Variants in BMS1 observed in about 807,000 individuals in gnomAD.
BMS1 encodes ribosome biogenesis protein BMS1 homolog.
A neutral mutation model predicts 138.7 loss-of-function variants in BMS1; 53 were observed. The ratio of observed to expected loss-of-function variants is 0.38; its 90% CI spans 0.31 to 0.48. BMS1 has a LOEUF of 0.48. Ranked by LOEUF, BMS1 falls within the 20% of genes least tolerant of loss-of-function variation. BMS1 has a pLI of 0.97. For missense variants in BMS1, 1,360 were observed against 1,565.5 expected (o/e 0.87, Z 2.22); for synonymous variants, 504 against 539.9 (o/e 0.93, Z 0.92).
intron 2 of BMS1, 120 bp downstream of exon 2, chr10:42,784,690 A>G (rs772618451): frequency 4.9e-5 from 59 of 1,197,656 alleles, no homozygotes; most frequent in Non-Finnish European, 5.9e-5. Flanking sequence ...ATGGAGATTC[A>G]TGGTGTGTGG....
chr10:42,799,157 G>T (rs1841793475), intron 12 of BMS1, among the ~76,000 whole-genome samples: 1 of 152,096 alleles, frequency 6.6e-6, no homozygotes. Flanking sequence ...GCCCAGGCTG[G>T]AGTGTAGTGG....
At chr10:42,813,627 G>A (rs1382480005) in intron 13 of BMS1, among the ~76,000 whole-genome samples, 2 of 152,166 alleles carry the variant, frequency 1.3e-5, no homozygotes, top group South Asian at 4.1e-4. Context: ...ATTGTCTCGT[G>A]TATGTATCCA....
chr10:42,796,413 A>G (rs2078397), intron 9 of BMS1, 61 bp from the exon 10 acceptor site: 130,849 of 1,505,226 alleles, frequency 0.087, 6,271 homozygotes, highest in African/African-American at 0.12. Flanking sequence ...CTATATTGCC[A>G]TTTCTAGATT....
rs149581560 is a variant in BMS1, at chr10:42,806,243, T to C, written c.2329+4025T>C. ...TCCCCCAGTTTCTGTGCAGGATGGT[T>C]CTGGGAGCCAAGCAGGAAACTATCT... On this transcript the variant is annotated intron_variant, in intron 13 of 22. Transcript: ENST00000374518. 5.7e-3 allele frequency among the ~76,000 whole-genome samples: 875 copies of C among 152,292 alleles called. 11 individuals are homozygous for C. The highest frequency in any genetic ancestry group is 0.019 in the African/African-American group (806 of 41,546).
In BMS1 at chr10:42,823,675, T is replaced by G; in HGVS notation, c.3347T>G (p.Leu1116Trp). 6.3e-7 allele frequency: 1 copy of G among 1,596,070 alleles called. No individual in the cohort carries two copies. Among genetic ancestry groups the G allele is most frequent in the Non-Finnish European group, 8.5e-7 (1 of 1,179,598 alleles). ...IPAFYNPVTS[L>W]LKPVGEKDTW... Reference sequence around the variant, plus strand: ...GCGTTCTATAACCCAGTAACATCTTTGTTGAAACCAGTGGGTGAGAAAGAC... The same window carrying G: ...GCGTTCTATAACCCAGTAACATCTTGGTTGAAACCAGTGGGTGAGAAAGAC... The change falls in exon 21 of 23, where the codon TTG becomes TGG. Residue 1116 changes from leucine to tryptophan, a missense_variant. This residue lies in a region of BMS1 where 425 missense variants were observed against 568.3 expected (regional missense o/e 0.75). Coordinates refer to ENST00000374518, the MANE Select transcript of BMS1 (RefSeq NM_014753.4).
intron 11 of BMS1, 101 bp from the exon 12 acceptor site, chr10:42,798,367 G>A (rs1368079340): frequency 6.9e-7 from 1 of 1,439,176 alleles, no homozygotes; most frequent in East Asian, 2.3e-5. Flanking sequence ...GAGTCCCTCA[G>A]TTCCTGAGTT....
chr10:42,823,544 T>C (rs1405005500), intron 20 of BMS1, 65 bp from the exon 21 acceptor site: 5 of 1,414,894 alleles, frequency 3.5e-6, no homozygotes, highest in Non-Finnish European at 4.7e-6. Flanking sequence ...TTATTCTTTG[T>C]TTCTTCGCAA....
intron 15 of BMS1, among the ~76,000 whole-genome samples, chr10:42,817,747 C>CTGAGACATGGTCTCTACTTT (rs1179605446): frequency 3.3e-5 from 5 of 152,202 alleles, no homozygotes; most frequent in African/African-American, 9.7e-5. Context: ...ACAGAAATGA[C>CTGAGACATGGTCTCTACTTT]TGAGACATGG....
chr10:42,806,400 C>G (rs1842010859), intron 13 of BMS1, among the ~76,000 whole-genome samples: 1 of 152,142 alleles, frequency 6.6e-6, no homozygotes, highest in Admixed American at 6.6e-5. Flanking sequence ...AGTAAACAAC[C>G]TTGCTTTGTC....
intron 2 of BMS1, among the ~76,000 whole-genome samples, chr10:42,785,265 T>C (rs1395739450): frequency 1.3e-5 from 2 of 152,204 alleles, no homozygotes; most frequent in East Asian, 1.9e-4. Flanking sequence ...TACATCTTTA[T>C]TGAACAGCAA....
chr10:42,820,640 C>T lies in BMS1; in HGVS notation c.2902C>T (p.Leu968Phe). 1.2e-6 allele frequency: 2 copies of T among 1,611,972 alleles called. No individual in the cohort carries two copies. The highest frequency in any genetic ancestry group is 1.7e-6 in the Non-Finnish European group (2 of 1,179,830). The change falls in exon 17 of 23, where the codon CTT (leucine) becomes TTT (phenylalanine). Residue 968 changes from leucine (L) to phenylalanine (F), a missense_variant. Transcript: ENST00000374518. ...YIEDHNGRQR[L>F]LKYTPQHMHC... is the part of the protein sequence containing the mutation. Reference sequence around the variant, plus strand: ...CGAAGACCACAATGGAAGACAAAGGCTTCTAAAGTATACCCCACAGCACAT... The same window carrying T: ...CGAAGACCACAATGGAAGACAAAGGTTTCTAAAGTATACCCCACAGCACAT...
chr10:42,816,805 G>C, intron 14 of BMS1, 133 bp downstream of exon 14: 1 of 672,460 alleles, frequency 1.5e-6, no homozygotes, highest in South Asian at 2.8e-5. Flanking sequence ...AAAGGGTGGG[G>C]ATGTGGGGAC....
rs571970466 is a variant in BMS1 at position 42,828,786 on chromosome 10, G to A, written c.3457-1475G>A. Among the ~76,000 whole-genome samples the A allele has an allele frequency of 3.0e-3, 463 of 152,270 alleles. 3 individuals are homozygous for A. The highest frequency in any genetic ancestry group is 4.3e-3 in the Non-Finnish European group (292 of 68,020). The stretch of plus-strand genomic sequence containing the variant: ...AATAAGAGGGTTGTTCAAGGCATCA[G>A]TCTGCCACTCTGCTAGAAACAGAAG... On this transcript the variant is annotated intron_variant, in intron 21 of 22. Coordinates refer to ENST00000374518, the MANE Select transcript of BMS1 (RefSeq NM_014753.4).
rs369823721 is a variant in BMS1, at chr10:42,790,468, C to T, written c.593C>T (p.Thr198Ile). ...AAGCATAATAAGCAACTGAAGAAGA[C>T]AAAGAAGCGATTAAAACACAGGTTC... ...SFKHNKQLKK[T>I]KKRLKHRFWT... The change falls in exon 5 of 23, where the codon ACA becomes ATA. Residue 198 changes from threonine to isoleucine, a missense_variant. Thr to Ile is a moderately conservative substitution (Grantham distance 89, BLOSUM62 -1). Around this residue, in one of 3 missense-constraint regions of BMS1, gnomAD observed 238 missense variants for 311.1 expected, o/e 0.77. Coordinates refer to ENST00000374518, the MANE Select transcript of BMS1 (RefSeq NM_014753.4). The T allele has an allele frequency of 1.9e-5, 31 of 1,613,886 alleles. No homozygotes were observed. In the African/African-American group the frequency reaches 2.1e-4, roughly 11 times the overall value.
In BMS1 at chr10:42,787,242, G is replaced by C. The variant is rs565731481; in HGVS notation, c.442G>C (p.Asp148His). ...NMMIDLAKVA[D>H]LVLMLIDASF... ...GATGATTGATCTGGCTAAAGTAGCA[G>C]ATCTGGTAAGTGAGCAGGGGCAGCC... The change falls in exon 4 of 23, where the codon GAT becomes CAT. Residue 148 changes from aspartate to histidine, a missense_variant. Asp to His is a moderately conservative substitution (Grantham distance 81). Transcript: ENST00000374518. The C allele has an allele frequency of 1.8e-5, 23 of 1,245,474 alleles. No individual in the cohort carries two copies. The African/African-American group carries it at 1.9e-4, about 10-fold the overall frequency. 77.2% of individuals were successfully genotyped at this position (1,245,474 alleles called of 1,614,324 possible).
chr10:42,805,056 T>C (rs1423486968), intron 13 of BMS1, among the ~76,000 whole-genome samples: 4 of 152,194 alleles, frequency 2.6e-5, no homozygotes, highest in Non-Finnish European at 5.9e-5. Flanking sequence ...TCATAGTGCA[T>C]GTAAGAAATC....
chr10:42,831,169 G>A lies in BMS1; in HGVS notation c.*73G>A, dbSNP rs1842792403. The A allele has an allele frequency of 1.4e-6, 2 of 1,413,838 alleles. No individual in the cohort carries two copies. Among genetic ancestry groups the A allele is most frequent in the African/African-American group, 1.4e-5 (1 of 69,306 alleles). The allele number at this position is 1,413,838 out of a possible 1,614,324, so 87.6% of individuals were successfully genotyped here. ...TTCAAACATCACAGTTTGAATGCCT[G>A]TGAATGACAAGTCAGTGGGAAAGAG... On this transcript the variant is annotated 3_prime_UTR_variant, in exon 23 of 23. Transcript: ENST00000374518.
intron 15 of BMS1, 131 bp from the exon 16 acceptor site, chr10:42,820,105 T>A (rs1842460956): frequency 1.6e-6 from 2 of 1,244,592 alleles, no homozygotes; most frequent in African/African-American, 3.0e-5. Flanking sequence ...TGTGTAGTAT[T>A]TTTAATAGGG....
At chr10:42,785,095 GA>G (rs1841284819) in intron 2 of BMS1, among the ~76,000 whole-genome samples, 1 of 152,170 alleles carries the variant, frequency 6.6e-6, no homozygotes, top group Admixed American at 6.5e-5. Context: ...GTAAGTAGGA[GA>G]GCTAAATGTA....
Sources: allele counts gnomAD v4.1 joint callset (sites outside exome capture counted in the v4.1 genomes callset), GRCh38; gene constraint gnomAD v4.1.1; regional missense constraint gnomAD v4.1.1; transcripts MANE v1.5; gene names NCBI Gene and HGNC (gene_info 2026-07-23, HGNC 2026-07-21).